The following LRP4 variants were observed in gnomAD, a reference collection of about 807,000 sequenced individuals.
The protein encoded by LRP4 is low-density lipoprotein receptor-related protein 4.
In LRP4, 95 loss-of-function variants were observed where a neutral mutation model predicts 220.3. The ratio of observed to expected loss-of-function variants is 0.43; its 90% confidence interval spans 0.37 to 0.51. LRP4 has a LOEUF of 0.51. Ranked by LOEUF, LRP4 falls within the 20% of genes least tolerant of loss-of-function variation. LRP4 has a pLI of 0.00. For missense variants in LRP4, 1,925 were observed against 2,567.0 expected, an observed-to-expected ratio of 0.75 and a Z score of 5.40; for synonymous variants, 903 against 954.6, an observed-to-expected ratio of 0.95 and a Z score of 1.00.
At chr11:46,900,027 TG>T in intron 3 of LRP4, 51 bp from the exon 4 acceptor site, 1 of 1,457,770 alleles carries the variant, frequency 6.9e-7, no homozygotes, top group Non-Finnish European at 9.6e-7. Flanking sequence ...GTCTGGTGCC[TG>T]GAAGCCTGAC....
At chr11:46,893,952 C>T (rs964385951) in intron 12 of LRP4, among the ~76,000 whole-genome samples, 28 of 141,954 alleles carry the variant, frequency 2.0e-4, no homozygotes, top group Admixed American at 8.2e-4. Flanking sequence ...AGTACAATGG[C>T]GTGATCTCGG....
chr11:46,909,611 CAAAAAAAAAA>C (rs71042636), intron 1 of LRP4, among the ~76,000 whole-genome samples: 7 of 46,102 alleles, frequency 1.5e-4, no homozygotes, highest in South Asian at 1.4e-3. Flanking sequence ...GACTCCGTCT[CAAAAAAAAAA>C]AAAAAAAAAA....
At chr11:46,909,417 T>C in intron 1 of LRP4, among the ~76,000 whole-genome samples, 1 of 102,938 alleles carries the variant, frequency 9.7e-6, no homozygotes, top group Non-Finnish European at 1.9e-5. Flanking sequence ...CCATCCTGGC[T>C]AACAAGGTGA....
rs776557189 is a variant in LRP4, at chr11:46,900,405, GTCAA to G, written c.200-31_200-28del. 1.0e-5 allele frequency: 14 copies of G among 1,407,004 alleles called. No individual in the cohort carries two copies. In the South Asian group the frequency reaches 1.5e-4, roughly 15 times the overall value. The allele number at this position is 1,407,004 out of a possible 1,614,324, so 87.2% of individuals were successfully genotyped here. On this transcript the variant is annotated intron_variant, in intron 2 of 37. Transcript: ENST00000378623. Reference sequence around the variant, plus strand: ...TGAATCCCAGGAAAAGAAAAGAAAAGTCAATCAACCTGGTATTCTTACTCAGGCT... The same window carrying G: ...TGAATCCCAGGAAAAGAAAAGAAAAGTCAACCTGGTATTCTTACTCAGGCT...
Position 46,871,574 on chromosome 11 carries a change from A to G in LRP4, c.4643T>C (p.Leu1548Pro). Residue 1548 changes from leucine to proline, a missense_variant, in exon 31 of 38, where the codon CTG becomes CCG. Leu to Pro is a moderately conservative substitution (Grantham distance 98). Around this residue, in one of 3 missense-constraint regions of LRP4, gnomAD observed 1,244 missense variants for 1,624.9 expected, o/e 0.77. Coordinates refer to ENST00000378623, the MANE Select transcript of LRP4 (RefSeq NM_002334.4). ...CACATGGCTGACCAAGACCTGCCGC[A>G]GTTTCCCATTGAGGTCAGCACTCTC... ...RIESADLNGK[L>P]RQVLVSHVSH... 6.2e-7 allele frequency: 1 copy of G among 1,613,538 alleles called. No individual in the cohort carries two copies. Among genetic ancestry groups the G allele is most frequent in the Non-Finnish European group, 8.5e-7 (1 of 1,179,774 alleles).
intron 1 of LRP4, among the ~76,000 whole-genome samples, chr11:46,916,535 T>G (rs1941949025): frequency 7.1e-6 from 1 of 140,074 alleles, no homozygotes. Flanking sequence ...TCTCCCCCCA[T>G]TCTCACCCCC....
intron 36 of LRP4, among the ~76,000 whole-genome samples, chr11:46,863,473 C>T (rs911151407): frequency 6.6e-6 from 1 of 150,532 alleles, no homozygotes; most frequent in Non-Finnish European, 1.5e-5. Flanking sequence ...TGCGGTGGCT[C>T]ACACCTGTAA....
Position 46,898,615 on chromosome 11 carries a change from C to G in LRP4, c.739G>C (p.Gly247Arg). Residue 247 changes from glycine (G) to arginine (R), a missense_variant, in exon 7 of 38, where the codon GGC becomes CGC. Gly to Arg is a moderately radical substitution (Grantham distance 125, BLOSUM62 -2). Around this residue, in one of 3 missense-constraint regions of LRP4, gnomAD observed 412 missense variants for 505.4 expected, o/e 0.82. Coordinates refer to ENST00000378623, the MANE Select transcript of LRP4 (RefSeq NM_002334.4). ...MCDSGLCINAGWRCDGDADCD... is the reference protein window; with the variant it reads ...MCDSGLCINARWRCDGDADCD... ...TCCGCGTCACCATCGCAGCGCCAGC[C>G]TGCATTGATGCACAGGCCACTGTCA... 6.2e-7 allele frequency: 1 copy of G among 1,614,188 alleles called. No homozygotes were observed. Among genetic ancestry groups the G allele is most frequent in the Non-Finnish European group, 8.5e-7 (1 of 1,180,034 alleles).
intron 16 of LRP4, among the ~76,000 whole-genome samples, chr11:46,887,181 A>G (rs1941314079): frequency 6.6e-6 from 1 of 152,152 alleles, no homozygotes; most frequent in Non-Finnish European, 1.5e-5. Context: ...TCCTCTACGT[A>G]GTTTACTTCC....
chr11:46,901,685 A>G (rs1294728768), intron 2 of LRP4, among the ~76,000 whole-genome samples: 3 of 152,180 alleles, frequency 2.0e-5, no homozygotes, highest in Non-Finnish European at 2.9e-5. Context: ...ACCCTGGCCA[A>G]CTGTGCAGAT....
chr11:46,890,413 G>A lies in LRP4; in HGVS notation c.1779C>T (p.Ala593=), dbSNP rs202063944. The change falls in exon 14 of 38, where the codon GCC becomes GCT. Residue 593 remains alanine (A), a synonymous_variant. Coordinates refer to ENST00000378623, the MANE Select transcript of LRP4 (RefSeq NM_002334.4). The surrounding 1 kb of genome is among the most constrained non-coding windows in gnomAD (Gnocchi z 5.3). ...CATTGGGCCAGAAGAGATGGGTATCGGCAATGATGCGGCGTCCAGAGCCAT... is the reference window on the plus strand; with the variant it reads ...CATTGGGCCAGAAGAGATGGGTATCAGCAATGATGCGGCGTCCAGAGCCAT... ...SMDGSGRRII[A]DTHLFWPNGL... 29 of 1,614,178 alleles carry A rather than the reference G, an allele frequency of 1.8e-5. No individual in the cohort carries two copies. The Admixed American group carries it at 2.0e-4, about 11-fold the overall frequency.
intron 7 of LRP4, among the ~76,000 whole-genome samples, 185 bp from the exon 8 acceptor site, chr11:46,897,179 T>A (rs906117931): frequency 6.6e-6 from 1 of 152,162 alleles, no homozygotes; most frequent in African/African-American, 2.4e-5. Context: ...TTTACTGCCA[T>A]CTGCTGGAAA....
intron 2 of LRP4, among the ~76,000 whole-genome samples, chr11:46,901,097 C>G (rs1443897922): frequency 6.6e-6 from 1 of 152,140 alleles, no homozygotes; most frequent in Admixed American, 6.6e-5. Flanking sequence ...CACCCAGCCC[C>G]CTTGTCTGTT....
rs979872742 is a variant in LRP4, at chr11:46,895,513, G to A, written c.1184-222C>T. The stretch of plus-strand genomic sequence containing the variant: ...GGAGAATGGCTTGAACCCAGGAGGC[G>A]GAGGCTGCAGTGAGCCGAGATCGCA... On this transcript the variant is annotated intron_variant, in intron 10 of 37. Transcript: ENST00000378623. Among the ~76,000 whole-genome samples the A allele has an allele frequency of 5.3e-5, 8 of 152,002 alleles. 1 individual carries two copies. Among genetic ancestry groups the A allele is most frequent in the East Asian group, 3.9e-4 (2 of 5,182 alleles).
Position 46,868,837 on chromosome 11 carries a change from C to G in LRP4, c.4838-124G>C, listed in dbSNP as rs2290884. On this transcript the variant is annotated intron_variant, in intron 32 of 37. Transcript: ENST00000378623. ...CAGGGACAGGGGAGGAGGAGAGATA[C>G]AACCGCGAGGGAGTAAAAAGTTCTA... 0.71 allele frequency: 901,007 copies of G among 1,263,310 alleles called. 332,850 individuals carry two copies. The highest frequency in any genetic ancestry group is 0.77 in the Non-Finnish European group (666,435 of 867,372). 78.3% of individuals were successfully genotyped at this position (1,263,310 alleles called of 1,614,324 possible).
At position 46,900,352 on chromosome 11, in the gene LRP4, A is replaced by C. The variant is rs769317290; in HGVS notation, c.226T>G (p.Phe76Val). The change falls in exon 3 of 38, where the codon TTT becomes GTT. Residue 76 changes from phenylalanine to valine, a missense_variant. Transcript: ENST00000378623. Reference sequence around the variant, plus strand: ...ATGCACTTGCCATTGTCACAGTGAAAGTCAAGAGGGGAACAGGTAGGTAGT... The same window carrying C: ...ATGCACTTGCCATTGTCACAGTGAACGTCAAGAGGGGAACAGGTAGGTAGT... ...CILPTCSPLD[F>V]HCDNGKCIRR... 6.2e-7 allele frequency: 1 copy of C among 1,613,628 alleles called. No homozygotes were observed. The highest frequency in any genetic ancestry group is 1.1e-5 in the South Asian group (1 of 91,074).
Position 46,875,170 on chromosome 11 carries a change from A to G in LRP4, c.3926-67T>C. 6.6e-7 allele frequency: 1 copy of G among 1,523,582 alleles called. No individual in the cohort carries two copies. Among genetic ancestry groups the G allele is most frequent in the Non-Finnish European group, 9.0e-7 (1 of 1,117,218 alleles). 94.4% of individuals were successfully genotyped at this position (1,523,582 alleles called of 1,614,324 possible). A position where few individuals can be genotyped will look rare whatever the true frequency, so the allele number is the denominator to read the frequency against. ...ATCATCTGAATCTTACAAAGGTCCC[A>G]GTTGTTTGTGGCTGGCTCTTTGCTG... On this transcript the variant is annotated intron_variant, in intron 27 of 37. Transcript: ENST00000378623. This position sits in a 1 kb window ranked among gnomAD's most constrained non-coding sequence, Gnocchi z 4.5.
chr11:46,887,607 T>C (rs1369048559), intron 16 of LRP4, among the ~76,000 whole-genome samples: 2 of 151,728 alleles, frequency 1.3e-5, no homozygotes, highest in Admixed American at 6.6e-5. Flanking sequence ...CTGAGGTGGA[T>C]AGATCACGAG....
chr11:46,886,609 C>A, intron 16 of LRP4, 76 bp from the exon 17 acceptor site: 1 of 1,239,570 alleles, frequency 8.1e-7, no homozygotes, highest in Non-Finnish European at 1.2e-6. Context: ...CGCTCACCTG[C>A]GTGACATCTG....
Sources: allele counts gnomAD v4.1 joint callset (sites outside exome capture counted in the v4.1 genomes callset), GRCh38; gene constraint gnomAD v4.1.1; regional missense constraint gnomAD v4.1.1; non-coding constraint Gnocchi (gnomAD v3.1); transcripts MANE v1.5; gene names NCBI Gene and HGNC (gene_info 2026-07-23, HGNC 2026-07-21).